ARHGAP10: variants seen among roughly 807,000 people sequenced by gnomAD.
The protein encoded by ARHGAP10 is rho GTPase-activating protein 10.
Under a neutral mutation model 108.6 loss-of-function variants are expected in ARHGAP10, and 87 were observed. That is an observed-to-expected ratio of 0.80 (90% CI 0.67 to 0.96). The LOEUF (loss-of-function observed/expected upper bound fraction) is 0.96. Among genes scored for constraint, ARHGAP10 ranks in the 40% least tolerant of loss-of-function variants. The probability of loss-of-function intolerance (pLI) is 0.00; values close to 1 mark genes in which losing one functional copy is unlikely to be tolerated. For synonymous variants in ARHGAP10, 347 were observed against 341.1 expected (o/e 1.02, Z -0.19); for missense variants, 939 against 954.5 (o/e 0.98, Z 0.21).
intron 20 of ARHGAP10, among the ~76,000 whole-genome samples, chr4:148,059,215 G>T (rs529429238): frequency 2.0e-5 from 3 of 152,356 alleles, no homozygotes; most frequent in South Asian, 2.1e-4. Flanking sequence ...TGGGAAGATA[G>T]CGAACAGATA....
chr4:148,007,070 AGGAGGTTAATCATCCTATTCTT>A (rs764159173), intron 18 of ARHGAP10, among the ~76,000 whole-genome samples: 138 of 152,276 alleles, frequency 9.1e-4, no homozygotes, highest in Non-Finnish European at 1.4e-3. Context: ...GCGCACTTCA[AGGAGGTTAATCATCCTATTCTT>A]GGACAAAAAT....
chr4:147,875,237 T>G, intron 8 of ARHGAP10, 87 bp downstream of exon 8: 1 of 1,380,332 alleles, frequency 7.2e-7, no homozygotes, highest in Non-Finnish European at 9.6e-7. Context: ...ACTGTGACAT[T>G]TTGGGCAATT....
At chr4:147,943,586 C>T (rs779776628) in intron 14 of ARHGAP10, among the ~76,000 whole-genome samples, 1 of 152,160 alleles carries the variant, frequency 6.6e-6, no homozygotes, top group African/African-American at 2.4e-5. Flanking sequence ...GTTACGTAAG[C>T]GTGAAACATT....
chr4:147,972,468 A>G (rs1375316010), intron 18 of ARHGAP10, among the ~76,000 whole-genome samples: 1 of 152,174 alleles, frequency 6.6e-6, no homozygotes, highest in Non-Finnish European at 1.5e-5. Flanking sequence ...GCACACAGCT[A>G]GTAAAAGTGA....
intron 20 of ARHGAP10, among the ~76,000 whole-genome samples, chr4:148,047,954 C>T (rs1728960554): frequency 6.6e-6 from 1 of 152,096 alleles, no homozygotes; most frequent in Admixed American, 6.5e-5. Flanking sequence ...TCCCAAGTAG[C>T]TGGGATTACA....
At chr4:147,946,939 A>G (rs928027661) in intron 15 of ARHGAP10, among the ~76,000 whole-genome samples, 2 of 152,200 alleles carry the variant, frequency 1.3e-5, no homozygotes, top group Admixed American at 6.5e-5. Flanking sequence ...TGAAATAGAC[A>G]TTTTTTGTGG....
chr4:147,980,789 C>A (rs1167913683), intron 18 of ARHGAP10, among the ~76,000 whole-genome samples: 1 of 152,074 alleles, frequency 6.6e-6, no homozygotes, highest in African/African-American at 2.4e-5. Flanking sequence ...TGTATGTTTC[C>A]AGGAATTTGT....
At chr4:147,932,735 C>T (rs1054134596) in intron 13 of ARHGAP10, among the ~76,000 whole-genome samples, 2 of 152,068 alleles carry the variant, frequency 1.3e-5, no homozygotes, top group African/African-American at 2.4e-5. Flanking sequence ...ATGGTCTGTG[C>T]AGCAAACCAC....
chr4:147,762,592 G>T (rs1054432596), intron 1 of ARHGAP10, among the ~76,000 whole-genome samples: 1 of 151,066 alleles, frequency 6.6e-6, no homozygotes, highest in African/African-American at 2.4e-5. Flanking sequence ...GTGCAGTGGC[G>T]CAATCTCGGC....
intron 8 of ARHGAP10, among the ~76,000 whole-genome samples, chr4:147,878,868 T>C (rs2126868002): frequency 6.6e-6 from 1 of 150,442 alleles, no homozygotes. Context: ...GCTCTGCCTC[T>C]TGGGTTCACA....
At chr4:147,981,955 T>A (rs993756759) in intron 18 of ARHGAP10, among the ~76,000 whole-genome samples, 1 of 149,216 alleles carries the variant, frequency 6.7e-6, no homozygotes, top group Admixed American at 6.6e-5. Context: ...AGGGGCGTGA[T>A]CATATGTGAG....
chr4:147,819,758 C>T (rs1207351081), intron 1 of ARHGAP10, among the ~76,000 whole-genome samples: 4 of 152,126 alleles, frequency 2.6e-5, no homozygotes, highest in South Asian at 4.2e-4. Flanking sequence ...GGGGTTTCAC[C>T]GTGTTGGCCA....
At chr4:147,847,112 C>T (rs755271413) in intron 3 of ARHGAP10, 39 bp from the exon 4 acceptor site, 6 of 1,553,454 alleles carry the variant, frequency 3.9e-6, no homozygotes, top group Non-Finnish European at 5.3e-6. Context: ...TTTTGGAAAC[C>T]TAATGCTGTG....
chr4:147,959,788 C>G (rs1040314714), intron 16 of ARHGAP10, among the ~76,000 whole-genome samples: 1 of 152,124 alleles, frequency 6.6e-6, no homozygotes, highest in African/African-American at 2.4e-5. Context: ...AAAATCAATT[C>G]CACTATTTTA....
intron 5 of ARHGAP10, chr4:147,862,534 G>T (rs899790948): frequency 2.1e-4 from 32 of 152,426 alleles, no homozygotes; most frequent in African/African-American, 7.5e-4. Context: ...TTTGCCCTCT[G>T]CAGCTGGTGT....
intron 6 of ARHGAP10, chr4:147,865,724 A>G (rs1314681974): frequency 6.6e-6 from 1 of 152,238 alleles, no homozygotes. Flanking sequence ...TATAGAAACA[A>G]GAATAACCAA....
chr4:147,844,750 T>G (rs1733566933), intron 3 of ARHGAP10, among the ~76,000 whole-genome samples: 2 of 152,204 alleles, frequency 1.3e-5, no homozygotes, highest in African/African-American at 4.8e-5. Context: ...TGTCTTTACT[T>G]CTGTTGTTGG....
chr4:147,909,828 T>C lies in ARHGAP10; in HGVS notation c.1162+51T>C, dbSNP rs1352647611. 4 of 1,535,300 alleles carry C rather than the reference T, an allele frequency of 2.6e-6. No individual in the cohort carries two copies. The Admixed American group carries it at 6.7e-5, about 26-fold the overall frequency. On this transcript the variant is annotated intron_variant, in intron 12 of 22. Transcript: ENST00000336498. ...TGTATCCTCCTTTTCCATCTATTACTTTGTGTACATTATGCATGTCAAGCT... is the reference window on the plus strand; with the variant it reads ...TGTATCCTCCTTTTCCATCTATTACCTTGTGTACATTATGCATGTCAAGCT...
chr4:147,900,686 C>G (rs1161432576), intron 10 of ARHGAP10, among the ~76,000 whole-genome samples: 4 of 152,178 alleles, frequency 2.6e-5, no homozygotes, highest in African/African-American at 9.7e-5. Context: ...CAAGAACCCC[C>G]AGTCGGAACT....
Sources: allele counts gnomAD v4.1 joint callset (sites outside exome capture counted in the v4.1 genomes callset), GRCh38; gene constraint gnomAD v4.1.1; transcripts MANE v1.5; gene names NCBI Gene and HGNC (gene_info 2026-07-23, HGNC 2026-07-21).